SLC26A3: variants seen among roughly 807,000 people sequenced by gnomAD.
The protein encoded by SLC26A3 is chloride anion exchanger.
A neutral mutation model predicts 85.6 loss-of-function variants in SLC26A3; 64 were observed. The ratio of observed to expected loss-of-function variants is 0.75; its 90% CI spans 0.61 to 0.92. The LOEUF (loss-of-function observed/expected upper bound fraction) is 0.92, where lower values mean the gene tolerates loss of function less well. SLC26A3 is among the 40% of genes least tolerant of loss of function. SLC26A3 has a pLI of 0.00. For synonymous variants in SLC26A3, 349 were observed against 336.0 expected, an observed-to-expected ratio of 1.04 and a Z score of -0.42; for missense variants, 922 against 927.3, an observed-to-expected ratio of 0.99 and a Z score of 0.07.
intron 5 of SLC26A3, 24 bp from the exon 6 acceptor site, chr7:107,789,712 G>T: frequency 6.2e-7 from 1 of 1,607,054 alleles, no homozygotes; most frequent in Non-Finnish European, 8.5e-7. Flanking sequence ...AAAAGCCTTT[G>T]TCAGCATAGA....
rs764340501 is a variant in SLC26A3 at position 107,787,403 on chromosome 7, C to T, written c.842G>A (p.Arg281His). 1.9e-5 allele frequency: 30 copies of T among 1,613,858 alleles called. No individual in the cohort carries two copies. The highest frequency in any genetic ancestry group is 2.4e-5 in the Non-Finnish European group (28 of 1,179,978). The part of the protein sequence containing the change: ...VVSIVKEINQ[R>H]FKDKLPVPIP... The stretch of plus-strand genomic sequence containing the variant: ...GGGCACTGGAAGTTTGTCTTTGAAG[C>T]GCTGATTTATTTCTTTAACAATGGA... The change falls in exon 7 of 21, where the codon CGC (arginine) becomes CAC (histidine). Residue 281 changes from arginine (R) to histidine (H), a missense_variant. Arg to His is a conservative substitution (Grantham distance 29, BLOSUM62 0). Coordinates refer to ENST00000340010, the MANE Select transcript of SLC26A3 (RefSeq NM_000111.3).
rs2115922207 is a variant in SLC26A3 at position 107,803,165 on chromosome 7, G to A, written c.-143C>T. The A allele has an allele frequency of 6.6e-6, 1 of 152,452 alleles. No individual in the cohort carries two copies. Among genetic ancestry groups the A allele is most frequent in the South Asian group, 2.1e-4 (1 of 4,822 alleles). The allele number at this position is 152,452 out of a possible 1,614,324, so 9.4% of individuals were successfully genotyped here. On this transcript the variant is annotated 5_prime_UTR_variant, in exon 1 of 21. Coordinates refer to ENST00000340010, the MANE Select transcript of SLC26A3 (RefSeq NM_000111.3). The stretch of plus-strand genomic sequence containing the variant: ...AACAGTGGTACATTTTCAAGATAAA[G>A]TTCTAAGTTCTAGTTCTAAGAGGCA...
chr7:107,776,157 T>C lies in SLC26A3; in HGVS notation c.1677+295A>G, dbSNP rs6973044. 58,170 of 431,360 alleles carry C rather than the reference T, an allele frequency of 0.13. 7,888 individuals carry two copies. The highest frequency in any genetic ancestry group is 0.49 in the African/African-American group (24,792 of 50,248). The allele number at this position is 431,360 out of a possible 1,614,324, so 26.7% of individuals were successfully genotyped here. A position where few individuals can be genotyped will look rare whatever the true frequency, so the allele number is the denominator to read the frequency against. ...CCCAAAGAAAATCTGTAGGATGACATCTACTAAAAGCTAGCAGCCCAAAAC... is the reference window on the plus strand; with the variant it reads ...CCCAAAGAAAATCTGTAGGATGACACCTACTAAAAGCTAGCAGCCCAAAAC... On this transcript the variant is annotated intron_variant, in intron 15 of 20. Transcript: ENST00000340010.
rs1247402381 is a variant in SLC26A3, at chr7:107,791,042, G to A, written c.570+6C>T. On this transcript the variant is annotated splice_donor_region_variant and intron_variant, in intron 5 of 20. Coordinates refer to ENST00000340010, the MANE Select transcript of SLC26A3 (RefSeq NM_000111.3). ...AGGTGGGCAAGTTACATGAGAAGGT[G>A]CTCACCTGGATGATTCCAGAAAGCA... 3 of 1,613,200 alleles carry A rather than the reference G, an allele frequency of 1.9e-6. No individual in the cohort carries two copies. The highest frequency in any genetic ancestry group is 2.2e-5 in the South Asian group (2 of 90,988).
intron 4 of SLC26A3, among the ~76,000 whole-genome samples, 165 bp downstream of exon 4, chr7:107,791,665 C>T (rs1382112388): frequency 1.3e-5 from 2 of 151,918 alleles, no homozygotes; most frequent in Admixed American, 1.3e-4. Context: ...AAATGGCTGC[C>T]ATCTGTGACC....
At position 107,793,733 on chromosome 7, in the gene SLC26A3, A is replaced by G; in HGVS notation, c.271+9T>C. On this transcript the variant is annotated intron_variant, in intron 3 of 20. Transcript: ENST00000340010. The stretch of plus-strand genomic sequence containing the variant: ...ATTGTATATAAATTATACTTAAAAA[A>G]AATTTTACCTTGTAGTACGGCCACA... 3 of 1,606,648 alleles carry G rather than the reference A, an allele frequency of 1.9e-6. No individual in the cohort carries two copies. Among genetic ancestry groups the G allele is most frequent in the South Asian group, 2.2e-5 (2 of 89,930 alleles).
chr7:107,779,130 C>G (rs1794176806), intron 12 of SLC26A3, among the ~76,000 whole-genome samples: 1 of 152,054 alleles, frequency 6.6e-6, no homozygotes, highest in African/African-American at 2.4e-5. Context: ...AAAAGTAAAC[C>G]AAGTGTAGTT....
Position 107,793,872 on chromosome 7 carries a change from T to A in SLC26A3, c.141A>T (p.Pro47=). 1.9e-6 allele frequency: 3 copies of A among 1,614,072 alleles called. No individual in the cohort carries two copies. Among genetic ancestry groups the A allele is most frequent in the Non-Finnish European group, 2.5e-6 (3 of 1,179,974 alleles). ...AGAGGACAATTCTCTTGGCCTTTTG[T>A]GGGGAACAGCTGAAAACATGGAAAG... ...DHLKVCCSCS[P]QKAKRIVLSL... The change falls in exon 3 of 21, where the codon CCA becomes CCT. Residue 47 remains proline, a synonymous_variant. Coordinates refer to ENST00000340010, the MANE Select transcript of SLC26A3 (RefSeq NM_000111.3).
intron 15 of SLC26A3, among the ~76,000 whole-genome samples, chr7:107,775,111 T>C (rs1052456958): frequency 2.6e-5 from 4 of 152,220 alleles, no homozygotes; most frequent in African/African-American, 7.2e-5. Flanking sequence ...AGTCCAGGAT[T>C]CATCCATAAA....
intron 3 of SLC26A3, among the ~76,000 whole-genome samples, chr7:107,793,337 A>T (rs1253415637): frequency 6.6e-6 from 1 of 152,238 alleles, no homozygotes; most frequent in Non-Finnish European, 1.5e-5. Context: ...AGTGGAAACA[A>T]CTCAAATGTT....
intron 11 of SLC26A3, among the ~76,000 whole-genome samples, chr7:107,781,822 A>G (rs1183978394): frequency 6.6e-6 from 1 of 152,196 alleles, no homozygotes; most frequent in African/African-American, 2.4e-5. Context: ...GCCAATAGAC[A>G]TTTGTGGGCT....
At chr7:107,771,791 TTA>T (rs1261097960) in intron 18 of SLC26A3, among the ~76,000 whole-genome samples, 1 of 152,146 alleles carries the variant, frequency 6.6e-6, no homozygotes, top group East Asian at 1.9e-4. Flanking sequence ...TTCAGGAAGT[TTA>T]GAGTGAAAAA....
chr7:107,801,985 G>A (rs910057470), intron 1 of SLC26A3, among the ~76,000 whole-genome samples: 10 of 151,204 alleles, frequency 6.6e-5, no homozygotes, highest in African/African-American at 1.9e-4. Context: ...TCAGCTACTT[G>A]GGGGGCTGAG....
At chr7:107,785,779 T>C (rs1227428511) in intron 8 of SLC26A3, among the ~76,000 whole-genome samples, 3 of 152,158 alleles carry the variant, frequency 2.0e-5, no homozygotes, top group Non-Finnish European at 4.4e-5. Context: ...AAAAAGTACA[T>C]ATATTTGCCT....
At chr7:107,798,682 C>G (rs1794552795) in intron 1 of SLC26A3, among the ~76,000 whole-genome samples, 2 of 152,298 alleles carry the variant, frequency 1.3e-5, no homozygotes, top group African/African-American at 4.8e-5. Flanking sequence ...CACTCTTGGA[C>G]AAGGCAGCTC....
At chr7:107,786,762 C>T (rs1794302705) in intron 8 of SLC26A3, 65 bp downstream of exon 8, 1 of 1,343,260 alleles carries the variant, frequency 7.4e-7, no homozygotes, top group Middle Eastern at 1.8e-4. Flanking sequence ...GATTGTACCT[C>T]TCCTGTCACT....
chr7:107,786,977 A>G (rs543896896), intron 7 of SLC26A3, 68 bp from the exon 8 acceptor site: 6 of 1,369,312 alleles, frequency 4.4e-6, no homozygotes, highest in Admixed American at 3.4e-5. Context: ...TTGAAGAAAA[A>G]TAAATTGCCA....
At position 107,778,342 on chromosome 7, in the gene SLC26A3, C is replaced by T. The variant is rs541135879; in HGVS notation, c.1408-61G>A. ...CTTTGATTAAAGTACAATGTCGAGACGGGGTCTTTTAAAAAGACTTTTTTT... is the reference window on the plus strand; with the variant it reads ...CTTTGATTAAAGTACAATGTCGAGATGGGGTCTTTTAAAAAGACTTTTTTT... On this transcript the variant is annotated intron_variant, in intron 12 of 20. Coordinates refer to ENST00000340010, the MANE Select transcript of SLC26A3 (RefSeq NM_000111.3). 2.2e-3 allele frequency: 1,648 copies of T among 756,688 alleles called. 6 individuals carry two copies. The highest frequency in any genetic ancestry group is 2.8e-3 in the Non-Finnish European group (1,333 of 478,928). 46.9% of individuals were successfully genotyped at this position (756,688 alleles called of 1,614,324 possible).
intron 1 of SLC26A3, among the ~76,000 whole-genome samples, chr7:107,796,377 T>C (rs936605887): frequency 6.6e-6 from 1 of 152,142 alleles, no homozygotes; most frequent in African/African-American, 2.4e-5. Context: ...AAGTTGCTGA[T>C]AGGTGCACCA....
Sources: allele counts gnomAD v4.1 joint callset (sites outside exome capture counted in the v4.1 genomes callset), GRCh38; gene constraint gnomAD v4.1.1; transcripts MANE v1.5; gene names NCBI Gene and HGNC (gene_info 2026-07-23, HGNC 2026-07-21).